Variants in TENM3 observed in about 807,000 individuals in gnomAD.
TENM3 encodes teneurin-3.
TENM3 carries 63 observed loss-of-function variants against 255.1 expected under a neutral mutation model. The observed-to-expected ratio is 0.25, with a 90% confidence interval of 0.20 to 0.30. The LOEUF (loss-of-function observed/expected upper bound fraction) is 0.30. Ranked by LOEUF, TENM3 falls within the 10% of genes least tolerant of loss-of-function variation. The probability of loss-of-function intolerance (pLI) is 1.00; values close to 1 mark genes in which losing one functional copy is unlikely to be tolerated. For missense variants in TENM3, 2,929 were observed against 3,461.1 expected, an observed-to-expected ratio of 0.85 and a Z score of 3.86; for synonymous variants, 1,306 against 1,322.3, an observed-to-expected ratio of 0.99 and a Z score of 0.27.
At chr4:182,298,457 G>A (rs1761637382) in intron 1 of TENM3, among the ~76,000 whole-genome samples, 1 of 152,166 alleles carries the variant, frequency 6.6e-6, no homozygotes, top group South Asian at 2.1e-4. Flanking sequence ...GAACTTTGTT[G>A]TTAAAAGGAA....
intron 3 of TENM3, among the ~76,000 whole-genome samples, chr4:182,567,678 A>G (rs1475516195): frequency 6.6e-6 from 1 of 151,898 alleles, no homozygotes; most frequent in South Asian, 2.1e-4. Flanking sequence ...TCTTTGCTCA[A>G]TGTTCCTGCT....
chr4:181,594,539 G>A, the TENM3 span, among the ~76,000 whole-genome samples: 1 of 152,076 alleles, frequency 6.6e-6, no homozygotes, highest in Admixed American at 6.5e-5. Flanking sequence ...CTCCATTTCT[G>A]GGTTGTCTCT....
At chr4:182,211,852 T>G (rs1755063823) in intron 1 of TENM3, among the ~76,000 whole-genome samples, 1 of 152,194 alleles carries the variant, frequency 6.6e-6, no homozygotes, top group Non-Finnish European at 1.5e-5. Context: ...ACAGATTCCT[T>G]AATCCTTGCA....
intron 1 of TENM3, among the ~76,000 whole-genome samples, chr4:182,267,334 G>A (rs1051235049): frequency 6.6e-6 from 1 of 152,122 alleles, no homozygotes; most frequent in South Asian, 2.1e-4. Flanking sequence ...ATAATTATTT[G>A]CATAGGTACA....
At chr4:182,240,410 C>T (rs1298801322), upstream of TENM3, among the ~76,000 whole-genome samples, 1 of 152,166 alleles carries the variant, frequency 6.6e-6, no homozygotes, top group Non-Finnish European at 1.5e-5. Flanking sequence ...ATCATAACCT[C>T]TGTCTTATCG....
intron 3 of TENM3, among the ~76,000 whole-genome samples, chr4:182,390,467 G>A (rs1768346665): frequency 6.6e-6 from 1 of 152,160 alleles, no homozygotes; most frequent in African/African-American, 2.4e-5. Context: ...TGGTTGGAAA[G>A]CAGCAGAAAA....
the TENM3 span, among the ~76,000 whole-genome samples, chr4:181,867,397 G>T: frequency 6.6e-6 from 1 of 151,974 alleles, no homozygotes; most frequent in African/African-American, 2.4e-5. Context: ...CTCCATTTAG[G>T]CCCCACCTCC....
At chr4:182,527,419 T>C (rs1026686480) in intron 3 of TENM3, among the ~76,000 whole-genome samples, 1 of 152,098 alleles carries the variant, frequency 6.6e-6, no homozygotes, top group African/African-American at 2.4e-5. Flanking sequence ...AGGCTCGTGA[T>C]TGTGTTACTA....
At chr4:181,711,062 C>A in the TENM3 span, among the ~76,000 whole-genome samples, 1 of 151,946 alleles carries the variant, frequency 6.6e-6, no homozygotes, top group Non-Finnish European at 1.5e-5. Context: ...TAGGGTAGAA[C>A]AATATAAACT....
At chr4:181,636,782 A>G in the TENM3 span, among the ~76,000 whole-genome samples, 6 of 152,154 alleles carry the variant, frequency 3.9e-5, no homozygotes, top group Admixed American at 3.9e-4. Flanking sequence ...GACCAAAGTA[A>G]TCCTGTTAGC....
the TENM3 span, among the ~76,000 whole-genome samples, chr4:181,970,248 C>G: frequency 1.3e-5 from 2 of 152,042 alleles, no homozygotes; most frequent in Non-Finnish European, 2.9e-5. Flanking sequence ...AATTGCTATA[C>G]GTGAAATTTC....
At chr4:181,646,986 A>G in the TENM3 span, among the ~76,000 whole-genome samples, 1 of 152,218 alleles carries the variant, frequency 6.6e-6, no homozygotes, top group Non-Finnish European at 1.5e-5. Flanking sequence ...TTTTAAAATG[A>G]CGCATTTTCG....
chr4:181,641,594 G>GGT, the TENM3 span, among the ~76,000 whole-genome samples: 1 of 30,244 alleles, frequency 3.3e-5, no homozygotes, highest in Non-Finnish European at 6.4e-5. Context: ...ATATATATAT[G>GGT]GTGTGTGTGT....
the TENM3 span, among the ~76,000 whole-genome samples, chr4:182,008,761 T>C: frequency 0.014 from 2,170 of 152,150 alleles, 51 homozygotes; most frequent in African/African-American, 0.049. Flanking sequence ...TCTGCGCCCT[T>C]GATGGAGAGA....
At chr4:182,163,386 C>A (rs767582695) in intron 1 of TENM3, among the ~76,000 whole-genome samples, 14 of 152,164 alleles carry the variant, frequency 9.2e-5, no homozygotes, top group Non-Finnish European at 1.5e-4. Flanking sequence ...CTTCCAGCCC[C>A]GCCTCCCATC....
At chr4:182,694,566 G>A (rs554313684) in intron 12 of TENM3, among the ~76,000 whole-genome samples, 1 of 152,276 alleles carries the variant, frequency 6.6e-6, no homozygotes, top group South Asian at 2.1e-4. Context: ...TGGCCTAGGG[G>A]AAATCCTAAT....
intron 3 of TENM3, among the ~76,000 whole-genome samples, chr4:182,553,133 G>A (rs774295868): frequency 2.1e-4 from 32 of 152,128 alleles, no homozygotes; most frequent in East Asian, 1.4e-3. Context: ...TGCCCAGGCC[G>A]TGGTGCAAGG....
chr4:181,882,790 G>A, the TENM3 span, among the ~76,000 whole-genome samples: 1 of 152,124 alleles, frequency 6.6e-6, no homozygotes, highest in African/African-American at 2.4e-5. Flanking sequence ...TTCTAAATTG[G>A]TCCAATGGAT....
chr4:182,156,902 C>G (rs950350554), intron 1 of TENM3, among the ~76,000 whole-genome samples: 2 of 152,120 alleles, frequency 1.3e-5, no homozygotes, highest in Non-Finnish European at 2.9e-5. Context: ...CTCAGACTCA[C>G]AGGGAGTTTT....
Sources: gnomAD v4.1 joint callset for allele counts (sites outside exome capture counted in the v4.1 genomes callset) on GRCh38, gnomAD v4.1.1 for gene constraint, MANE v1.5 for transcripts, NCBI Gene and HGNC (gene_info 2026-07-23, HGNC 2026-07-21) for gene names.